BST1: variants seen among roughly 807,000 people sequenced by gnomAD.
BST1 encodes the protein bone marrow stromal cell antigen 1, also known as ADP-ribosyl cyclase/cyclic ADP-ribose hydrolase 2.
In BST1, 49 loss-of-function variants were observed where a neutral mutation model predicts 40.6. That is an observed-to-expected ratio of 1.21 (90% CI 0.96 to 1.53). The LOEUF (loss-of-function observed/expected upper bound fraction) is 1.53, where lower values mean the gene tolerates loss of function less well. Ranked by LOEUF, BST1 falls within the 40% of genes most tolerant of loss-of-function variation. BST1 has a pLI of 0.00. For missense variants in BST1, 423 were observed against 395.9 expected (o/e 1.07, Z -0.58); for synonymous variants, 157 against 159.3 (o/e 0.99, Z 0.11).
chr4:15,748,178 C>T, the BST1 span, among the ~76,000 whole-genome samples: 2,124 of 152,304 alleles, frequency 0.014, 56 homozygotes, highest in African/African-American at 0.048. Flanking sequence ...CATTCTCATG[C>T]GTGCTTTCCC....
At chr4:15,748,678 G>A in the BST1 span, among the ~76,000 whole-genome samples, 1 of 152,160 alleles carries the variant, frequency 6.6e-6, no homozygotes, top group Non-Finnish European at 1.5e-5. Context: ...GGGGTGAGGG[G>A]CTCCTTCAAT....
chr4:15,707,366 A>G (rs1719934777), intron 2 of BST1, 145 bp from the exon 3 acceptor site: 1 of 873,616 alleles, frequency 1.1e-6, no homozygotes. Context: ...ATAAATAAAG[A>G]CAACGAAAAA....
At chr4:15,709,612 TTTC>T (rs1720074877) in intron 3 of BST1, among the ~76,000 whole-genome samples, 1 of 152,218 alleles carries the variant, frequency 6.6e-6, no homozygotes, top group Non-Finnish European at 1.5e-5. Context: ...CCACCAGTTA[TTTC>T]TTCTTCACCT....
chr4:15,764,796 G>A, the BST1 span, among the ~76,000 whole-genome samples: 1 of 151,770 alleles, frequency 6.6e-6, no homozygotes. Flanking sequence ...CCAGTCCCTG[G>A]CCACAGTGAT....
chr4:15,767,606 C>CTT, the BST1 span, among the ~76,000 whole-genome samples: 8 of 145,296 alleles, frequency 5.5e-5, no homozygotes, highest in South Asian at 2.2e-4. Flanking sequence ...CCCGGCCCTA[C>CTT]TTTTTTTTTT....
At chr4:15,731,626 A>C in intron 8 of BST1, 114 bp from the exon 9 acceptor site, 2 of 1,396,270 alleles carry the variant, frequency 1.4e-6, no homozygotes, top group South Asian at 1.2e-5. Flanking sequence ...TTTGCTGCTC[A>C]TGGCTTCTCG....
intron 1 of BST1, among the ~76,000 whole-genome samples, chr4:15,704,598 G>T (rs1313286161): frequency 6.6e-6 from 1 of 152,042 alleles, no homozygotes; most frequent in Non-Finnish European, 1.5e-5. Context: ...AGAGGTGTGT[G>T]TGAGTGTGAA....
rs374610644 is a variant in BST1, at chr4:15,715,758, A to G, written c.663A>G (p.Arg221=). The change falls in exon 6 of 9, where the codon CGA becomes CGG. Residue 221 remains arginine, a synonymous_variant. Transcript: ENST00000265016. The part of the protein sequence containing the change: ...IPNLQKEKIT[R]IEIWVMHEIG... Reference sequence around the variant, plus strand: ...ACCTCCAGAAGGAAAAAATTACACGAATCGAGATCTGGGTTATGCATGAAA... The same window carrying G: ...ACCTCCAGAAGGAAAAAATTACACGGATCGAGATCTGGGTTATGCATGAAA... The G allele has an allele frequency of 1.3e-4, 216 of 1,601,324 alleles. No homozygotes were observed. Among genetic ancestry groups the G allele is most frequent in the Non-Finnish European group, 1.7e-4 (198 of 1,176,466 alleles).
intron 1 of BST1, among the ~76,000 whole-genome samples, chr4:15,703,540 G>C (rs1719666258): frequency 6.6e-6 from 1 of 151,216 alleles, no homozygotes; most frequent in East Asian, 2.0e-4. Context: ...TGAGGGGTGC[G>C]CTGTGCGGGG....
At chr4:15,737,900 T>C in exon 7 of BST1, 1 of 955,976 alleles carries the variant, frequency 1.0e-6, no homozygotes, top group East Asian at 6.1e-5. Context: ...CTGGCAAGAG[T>C]TGAGTCAATT....
At chr4:15,758,901 CA>C in the BST1 span, among the ~76,000 whole-genome samples, 1 of 152,014 alleles carries the variant, frequency 6.6e-6, no homozygotes, top group Non-Finnish European at 1.5e-5. Context: ...ACCTGAACCA[CA>C]ACCTGCATGC....
At chr4:15,757,502 CA>C in the BST1 span, among the ~76,000 whole-genome samples, 116 of 151,898 alleles carry the variant, frequency 7.6e-4, no homozygotes, top group African/African-American at 2.6e-3. Context: ...AGCACACCCC[CA>C]CCCCGCCCCG....
chr4:15,733,757 G>C (rs1432598905), downstream of BST1, among the ~76,000 whole-genome samples: 1 of 152,130 alleles, frequency 6.6e-6, no homozygotes, highest in Non-Finnish European at 1.5e-5. Context: ...ACTAGGTGAT[G>C]GTGCTAAACC....
At chr4:15,752,067 A>T in the BST1 span, among the ~76,000 whole-genome samples, 1 of 152,210 alleles carries the variant, frequency 6.6e-6, no homozygotes, top group Non-Finnish European at 1.5e-5. Context: ...GAGGTGTATG[A>T]TCAGATTTGT....
intron 7 of BST1, among the ~76,000 whole-genome samples, chr4:15,721,455 C>T (rs934281548): frequency 2.0e-5 from 3 of 152,162 alleles, no homozygotes; most frequent in East Asian, 1.9e-4. Context: ...ATCACATATA[C>T]ACCATGGAAT....
chr4:15,750,295 G>A, the BST1 span, among the ~76,000 whole-genome samples: 1 of 152,138 alleles, frequency 6.6e-6, no homozygotes, highest in Admixed American at 6.6e-5. Context: ...AAAGTGCTGG[G>A]ATTACAGGAG....
intron 4 of BST1, among the ~76,000 whole-genome samples, chr4:15,713,095 G>A (rs1218349624): frequency 6.6e-6 from 1 of 152,016 alleles, no homozygotes; most frequent in African/African-American, 2.4e-5. Context: ...CATTTGCTCT[G>A]TAGTCGAAGC....
At chr4:15,765,980 C>G in the BST1 span, among the ~76,000 whole-genome samples, 874 of 151,996 alleles carry the variant, frequency 5.8e-3, 22 homozygotes, top group East Asian at 0.087. Context: ...TCATGGTGCT[C>G]AGTAAATATT....
At chr4:15,710,334 T>C (rs1011626403) in intron 3 of BST1, among the ~76,000 whole-genome samples, 4 of 152,182 alleles carry the variant, frequency 2.6e-5, no homozygotes, top group African/African-American at 9.7e-5. Context: ...TATATATTTA[T>C]GGCATACAAT....
Sources: gnomAD v4.1 joint callset for allele counts (sites outside exome capture counted in the v4.1 genomes callset) on GRCh38, gnomAD v4.1.1 for gene constraint, MANE v1.5 for transcripts, NCBI Gene and HGNC (gene_info 2026-07-23, HGNC 2026-07-21) for gene names.